Variants in PLPPR5 observed in about 807,000 individuals in gnomAD.
PLPPR5 encodes phospholipid phosphatase related 5, also known as phospholipid phosphatase-related protein type 5.
PLPPR5 carries 16 observed loss-of-function variants against 33.9 expected under a neutral mutation model. The ratio of observed to expected loss-of-function variants is 0.47; its 90% CI spans 0.32 to 0.72. The LOEUF is 0.72. PLPPR5 is among the 30% of genes least tolerant of loss of function. The pLI, the probability that PLPPR5 is intolerant of heterozygous loss-of-function variation, is 0.03. For synonymous variants in PLPPR5, 163 were observed against 150.3 expected (o/e 1.08, Z -0.62); for missense variants, 301 against 406.7 (o/e 0.74, Z 2.23).
intron 3 of PLPPR5, among the ~76,000 whole-genome samples, chr1:98,949,105 A>T (rs1413972245): frequency 6.6e-6 from 1 of 152,190 alleles, no homozygotes. Flanking sequence ...TTAATTGAAA[A>T]AAACTTTACC....
At chr1:99,004,903 G>T (rs527286206), upstream of PLPPR5, 12 of 194,292 alleles carry the variant, frequency 6.2e-5, 1 homozygote, top group South Asian at 1.9e-3. Flanking sequence ...CCTCTCCCCT[G>T]CCCGCCCCCT....
intron 3 of PLPPR5, among the ~76,000 whole-genome samples, chr1:98,931,273 C>T (rs1045054831): frequency 6.7e-6 from 1 of 149,402 alleles, no homozygotes; most frequent in African/African-American, 2.5e-5. Flanking sequence ...TGGTTCTTGG[C>T]TCACTCTCAG....
intron 1 of PLPPR5, among the ~76,000 whole-genome samples, chr1:98,964,909 C>G (rs1651375894): frequency 6.6e-6 from 1 of 152,180 alleles, no homozygotes; most frequent in East Asian, 1.9e-4. Flanking sequence ...ACTCAATCCT[C>G]CTGCCTCAGC....
At chr1:98,960,241 T>G (rs901597313) in intron 1 of PLPPR5, among the ~76,000 whole-genome samples, 7 of 152,102 alleles carry the variant, frequency 4.6e-5, no homozygotes, top group African/African-American at 1.4e-4. Flanking sequence ...TCTCACTCTG[T>G]CACCCAGGCT....
chr1:98,901,823 T>G (rs1648703773), intron 5 of PLPPR5, among the ~76,000 whole-genome samples: 1 of 152,076 alleles, frequency 6.6e-6, no homozygotes, highest in Non-Finnish European at 1.5e-5. Context: ...AATATATATT[T>G]AAGGAACATT....
In PLPPR5 at chr1:98,891,397, G is replaced by A. The variant is rs1281491497; in HGVS notation, c.*1675C>T. The A allele has an allele frequency of 6.6e-6, 1 of 152,050 alleles. No individual in the cohort carries two copies. Among genetic ancestry groups the A allele is most frequent in the Admixed American group, 6.6e-5 (1 of 15,234 alleles). The allele number at this position is 152,050 out of a possible 1,614,324, so 9.4% of individuals were successfully genotyped here. A position where few individuals can be genotyped will look rare whatever the true frequency, so the allele number is the denominator to read the frequency against. On this transcript the variant is annotated 3_prime_UTR_variant, in exon 6 of 6. Coordinates refer to ENST00000263177, the MANE Select transcript of PLPPR5 (RefSeq NM_001037317.2). ...GCTTTCTTTAGTACTGTAAAGTTTA[G>A]AAAGATTCATTTCAGTCAATTACTG...
At chr1:98,921,537 G>T (rs745771057) in intron 4 of PLPPR5, among the ~76,000 whole-genome samples, 5 of 151,998 alleles carry the variant, frequency 3.3e-5, no homozygotes, top group Non-Finnish European at 7.4e-5. Context: ...TATAAAGTTT[G>T]TTATAAATCC....
chr1:98,935,165 A>T (rs2101182810), intron 3 of PLPPR5, among the ~76,000 whole-genome samples: 1 of 152,330 alleles, frequency 6.6e-6, no homozygotes, highest in East Asian at 1.9e-4. Flanking sequence ...ATCATTACAA[A>T]TTACAAGATA....
intron 5 of PLPPR5, among the ~76,000 whole-genome samples, chr1:98,905,388 T>C (rs1221383902): frequency 6.6e-6 from 1 of 152,156 alleles, no homozygotes; most frequent in Non-Finnish European, 1.5e-5. Flanking sequence ...CTTTTTGACA[T>C]GTGTGTTGTT....
intron 3 of PLPPR5, among the ~76,000 whole-genome samples, chr1:98,938,174 A>C (rs1259169276): frequency 2.6e-5 from 4 of 152,180 alleles, no homozygotes; most frequent in Non-Finnish European, 5.9e-5. Context: ...AAAAAAAGAC[A>C]TGATAGCATA....
chr1:98,953,255 T>A lies in PLPPR5; in HGVS notation c.436A>T (p.Asn146Tyr). The change falls in exon 3 of 6, where the codon AAT becomes TAT. Residue 146 changes from asparagine (N) to tyrosine (Y), a missense_variant. Coordinates refer to ENST00000263177, the MANE Select transcript of PLPPR5 (RefSeq NM_001037317.2). ...FVNAGQVVTG[N>Y]LAPHFLALCK... Reference sequence around the variant, plus strand: ...AGGGCAAGGAAATGTGGGGCCAGATTTCCTGTGACTACTTGTCCAGCATTT... The same window carrying A: ...AGGGCAAGGAAATGTGGGGCCAGATATCCTGTGACTACTTGTCCAGCATTT... 1 of 1,614,032 alleles carries A rather than the reference T, an allele frequency of 6.2e-7. No homozygotes were observed. Among genetic ancestry groups the A allele is most frequent in the Non-Finnish European group, 8.5e-7 (1 of 1,180,002 alleles).
At chr1:98,909,510 A>G (rs1649042198) in intron 5 of PLPPR5, among the ~76,000 whole-genome samples, 3 of 151,792 alleles carry the variant, frequency 2.0e-5, no homozygotes, top group Admixed American at 2.0e-4. Context: ...CATCCATCTT[A>G]GCTGTTAAAT....
At chr1:98,919,814 T>C (rs1237984535) in intron 4 of PLPPR5, among the ~76,000 whole-genome samples, 1 of 152,110 alleles carries the variant, frequency 6.6e-6, no homozygotes, top group Admixed American at 6.5e-5. Context: ...CAAACTATAG[T>C]TTATGGAACT....
intron 2 of PLPPR5, among the ~76,000 whole-genome samples, chr1:98,953,831 T>C (rs1261653255): frequency 6.6e-6 from 1 of 152,228 alleles, no homozygotes; most frequent in Admixed American, 6.5e-5. Flanking sequence ...TCCAGTACCA[T>C]CAGTTTTCAT....
intron 3 of PLPPR5, among the ~76,000 whole-genome samples, chr1:98,935,619 G>A (rs970885858): frequency 6.6e-6 from 1 of 152,160 alleles, no homozygotes; most frequent in Non-Finnish European, 1.5e-5. Flanking sequence ...TAGCCCCACT[G>A]AATTAGTGGG....
At chr1:98,926,247 A>ACTTTGAG (rs953525813) in intron 3 of PLPPR5, among the ~76,000 whole-genome samples, 15 of 152,110 alleles carry the variant, frequency 9.9e-5, no homozygotes, top group African/African-American at 3.6e-4. Context: ...CTCAAAGAGT[A>ACTTTGAG]CAGCCCAAAA....
intron 4 of PLPPR5, among the ~76,000 whole-genome samples, chr1:98,921,489 AG>A (rs903543540): frequency 2.0e-5 from 3 of 152,168 alleles, no homozygotes; most frequent in African/African-American, 7.2e-5. Context: ...TATCCAAACC[AG>A]TCCTGAAACT....
intron 1 of PLPPR5, among the ~76,000 whole-genome samples, chr1:98,970,530 T>C (rs974143574): frequency 6.6e-6 from 1 of 151,716 alleles, no homozygotes; most frequent in African/African-American, 2.4e-5. Context: ...ATATTTATTA[T>C]ATAAATTCAT....
chr1:98,914,313 TCTCA>T (rs1285103685), intron 5 of PLPPR5, among the ~76,000 whole-genome samples: 3 of 152,066 alleles, frequency 2.0e-5, no homozygotes, highest in African/African-American at 7.2e-5. Flanking sequence ...TGATACGGAG[TCTCA>T]CTCTGTTGCG....
Sources: gnomAD v4.1 joint callset for allele counts (sites outside exome capture counted in the v4.1 genomes callset) on GRCh38, gnomAD v4.1.1 for gene constraint, MANE v1.5 for transcripts, NCBI Gene and HGNC (gene_info 2026-07-23, HGNC 2026-07-21) for gene names.